Variants in GABRA2 observed in about 807,000 individuals in gnomAD.
The protein encoded by GABRA2 is gamma-aminobutyric acid receptor subunit alpha-2.
Under a neutral mutation model 48.7 loss-of-function variants are expected in GABRA2, and 16 were observed. That is an observed-to-expected ratio of 0.33 (90% CI 0.22 to 0.50). The LOEUF is 0.50. Among genes scored for constraint, GABRA2 ranks in the 20% least tolerant of loss-of-function variants. The pLI, the probability that GABRA2 is intolerant of heterozygous loss-of-function variation, is 0.98. For synonymous variants in GABRA2, 185 were observed against 184.5 expected, an observed-to-expected ratio of 1.00 and a Z score of -0.02; for missense variants, 275 against 535.6, an observed-to-expected ratio of 0.51 and a Z score of 4.80.
chr4:46,275,601 G>A (rs894401164), intron 8 of GABRA2, among the ~76,000 whole-genome samples: 22 of 152,078 alleles, frequency 1.4e-4, no homozygotes, highest in African/African-American at 5.3e-4. Context: ...ATAATGAAAA[G>A]CAGACAATAA....
rs146611502 is a variant in GABRA2 at position 46,244,956 on chromosome 4, T to C, written c.*5352A>G. Among the ~76,000 whole-genome samples, 1 of 151,392 alleles carries C rather than the reference T, an allele frequency of 6.6e-6. No individual in the cohort carries two copies. The highest frequency in any genetic ancestry group is 2.4e-5 in the African/African-American group (1 of 41,378). On this transcript the variant is annotated 3_prime_UTR_variant, in exon 10 of 10. Coordinates refer to ENST00000381620, the MANE Select transcript of GABRA2 (RefSeq NM_000807.4). The stretch of plus-strand genomic sequence containing the variant: ...TAATGGCTCCCTTATTGAATGAATA[T>C]TCCCCAAAAGGCATGAATATAAATT...
intron 3 of GABRA2, chr4:46,367,317 A>G (rs1334016076): frequency 2.0e-5 from 3 of 152,160 alleles, no homozygotes; most frequent in Non-Finnish European, 4.4e-5. Context: ...TTTTGCATAT[A>G]TGAGTGTTGG....
intron 8 of GABRA2, among the ~76,000 whole-genome samples, chr4:46,263,576 A>G (rs1717491144): frequency 1.3e-5 from 2 of 152,212 alleles, no homozygotes; most frequent in African/African-American, 2.4e-5. Context: ...CAAATTTTAT[A>G]CCCTTGATAT....
intron 5 of GABRA2, 97 bp from the exon 6 acceptor site, chr4:46,310,352 T>C (rs1053308407): frequency 3.2e-5 from 25 of 786,412 alleles, no homozygotes; most frequent in Non-Finnish European, 4.8e-5. Context: ...GGTAGAGCAT[T>C]AATCACAGCA....
At chr4:46,319,191 C>A (rs1368134604) in intron 4 of GABRA2, among the ~76,000 whole-genome samples, 1 of 151,740 alleles carries the variant, frequency 6.6e-6, no homozygotes, top group African/African-American at 2.4e-5. Context: ...ATGAAGGCAT[C>A]ATATTCTTTA....
Position 46,261,916 on chromosome 4 carries a change from T to G in GABRA2, c.1059+10A>C, listed in dbSNP as rs745474402. On this transcript the variant is annotated intron_variant, in intron 9 of 9. Coordinates refer to ENST00000381620, the MANE Select transcript of GABRA2 (RefSeq NM_000807.4). ...TTCTTAATAATGATAACACGGAAGCTCTCACTTACCTTGTCATTTACTACA... is the reference window on the plus strand; with the variant it reads ...TTCTTAATAATGATAACACGGAAGCGCTCACTTACCTTGTCATTTACTACA... 6 of 1,607,702 alleles carry G rather than the reference T, an allele frequency of 3.7e-6. No individual in the cohort carries two copies. Among genetic ancestry groups the G allele is most frequent in the Non-Finnish European group, 5.1e-6 (6 of 1,174,416 alleles).
At chr4:46,331,481 A>C (rs1475786317) in intron 4 of GABRA2, among the ~76,000 whole-genome samples, 2 of 152,154 alleles carry the variant, frequency 1.3e-5, no homozygotes, top group East Asian at 3.9e-4. Context: ...AAAATGGAAT[A>C]CTTTTTGTTT....
chr4:46,263,652 A>T (rs1174879472), intron 8 of GABRA2, among the ~76,000 whole-genome samples: 3 of 152,066 alleles, frequency 2.0e-5, no homozygotes, highest in Non-Finnish European at 2.9e-5. Context: ...AACTTTTGAA[A>T]TCAAGAAGCT....
Position 46,250,258 on chromosome 4 carries a change from A to T in GABRA2, c.*50T>A, listed in dbSNP as rs1455706628. 6.6e-7 allele frequency: 1 copy of T among 1,524,068 alleles called. No individual in the cohort carries two copies. The highest frequency in any genetic ancestry group is 8.9e-7 in the Non-Finnish European group (1 of 1,118,306). The allele number at this position is 1,524,068 out of a possible 1,614,324, so 94.4% of individuals were successfully genotyped here. A position where few individuals can be genotyped will look rare whatever the true frequency, so the allele number is the denominator to read the frequency against. ...TTAGTCAGACTGTACATAGCAAAAC[A>T]AACCAAATTTAATGTTGCTATACAT... On this transcript the variant is annotated 3_prime_UTR_variant, in exon 10 of 10. Transcript: ENST00000381620.
At chr4:46,257,310 C>A (rs1716031180) in intron 9 of GABRA2, among the ~76,000 whole-genome samples, 1 of 151,516 alleles carries the variant, frequency 6.6e-6, no homozygotes, top group African/African-American at 2.4e-5. Flanking sequence ...CAGTTAGCAG[C>A]AGAAGAAGAG....
chr4:46,317,418 A>G (rs1728727301), intron 4 of GABRA2, among the ~76,000 whole-genome samples: 1 of 151,786 alleles, frequency 6.6e-6, no homozygotes, highest in Non-Finnish European at 1.5e-5. Context: ...ATGAAGCTTT[A>G]TAATATGGAA....
intron 8 of GABRA2, among the ~76,000 whole-genome samples, chr4:46,286,224 C>A (rs778551611): frequency 1.3e-5 from 2 of 151,980 alleles, no homozygotes; most frequent in Non-Finnish European, 2.9e-5. Context: ...TTTTGTCTGG[C>A]TTCTTTCACT....
chr4:46,303,325 T>G, intron 8 of GABRA2, 135 bp downstream of exon 8: 1 of 790,882 alleles, frequency 1.3e-6, no homozygotes, highest in Non-Finnish European at 2.1e-6. Context: ...GCCTACTTCT[T>G]CACCTATAAG....
intron 3 of GABRA2, chr4:46,364,288 A>G (rs1713689211): frequency 6.6e-6 from 1 of 152,266 alleles, no homozygotes; most frequent in Admixed American, 6.5e-5. Flanking sequence ...ATGAGATGGT[A>G]GGTGTAAAGT....
intron 8 of GABRA2, among the ~76,000 whole-genome samples, chr4:46,271,724 A>C (rs1170457330): frequency 2.0e-5 from 3 of 151,978 alleles, no homozygotes; most frequent in Non-Finnish European, 1.5e-5. Flanking sequence ...CTGTTGAAGG[A>C]ATCAAAATTG....
At chr4:46,328,514 A>AT (rs1026871499) in intron 4 of GABRA2, among the ~76,000 whole-genome samples, 2 of 151,694 alleles carry the variant, frequency 1.3e-5, no homozygotes, top group East Asian at 1.9e-4. Context: ...TTTGTTCTTT[A>AT]TTTTTTTTCT....
intron 3 of GABRA2, among the ~76,000 whole-genome samples, chr4:46,344,075 A>G (rs1030613772): frequency 1.3e-5 from 2 of 152,012 alleles, no homozygotes; most frequent in Admixed American, 1.3e-4. Flanking sequence ...ATTGGAGTCC[A>G]AAAAGTAGAT....
Position 46,289,269 on chromosome 4 carries a change from C to G in GABRA2, c.856+14191G>C, listed in dbSNP as rs572936679. ...GCATGCCTGTGCATGTTCATTGCAG[C>G]ACTAGTAACAATAGCAAAGACATGG... On this transcript the variant is annotated intron_variant, in intron 8 of 9. Coordinates refer to ENST00000381620, the MANE Select transcript of GABRA2 (RefSeq NM_000807.4). 7.2e-5 allele frequency among the ~76,000 whole-genome samples: 11 copies of G among 152,274 alleles called. No individual in the cohort carries two copies. In the East Asian group the frequency reaches 1.5e-3, roughly 21 times the overall value.
intron 8 of GABRA2, among the ~76,000 whole-genome samples, chr4:46,286,487 A>G (rs1025706797): frequency 3.9e-5 from 6 of 152,060 alleles, no homozygotes; most frequent in African/African-American, 1.4e-4. Context: ...GCAGGGTCTT[A>G]CGGTAATTCT....
Sources: gnomAD v4.1 joint callset for allele counts (sites outside exome capture counted in the v4.1 genomes callset) on GRCh38, gnomAD v4.1.1 for gene constraint, MANE v1.5 for transcripts, NCBI Gene and HGNC (gene_info 2026-07-23, HGNC 2026-07-21) for gene names.